NLRP2: variants seen among roughly 807,000 people sequenced by gnomAD.
The protein encoded by NLRP2 is NACHT, LRR and PYD domains-containing protein 2.
Under a neutral mutation model 97.2 loss-of-function variants are expected in NLRP2, and 107 were observed. The observed-to-expected ratio is 1.10, with a 90% confidence interval of 0.94 to 1.29. The LOEUF is 1.29. Ranked by LOEUF, NLRP2 falls within the 50% of genes most tolerant of loss-of-function variation. The pLI, the probability that NLRP2 is intolerant of heterozygous loss-of-function variation, is 0.00. For missense variants in NLRP2, 1,495 were observed against 1,330.3 expected (o/e 1.12, Z -1.93); for synonymous variants, 663 against 551.5 (o/e 1.20, Z -2.83).
intron 11 of NLRP2, 148 bp downstream of exon 11, chr19:54,994,587 G>A: frequency 1.2e-6 from 1 of 859,080 alleles, no homozygotes; most frequent in South Asian, 1.4e-5. Context: ...GATGGTTAAA[G>A]GAATAAGTTC....
rs2071076291 is a variant in NLRP2 at position 54,974,546 on chromosome 19, T to C, written c.325+2T>C. 1.3e-6 allele frequency: 2 copies of C among 1,584,174 alleles called. No homozygotes were observed. Among genetic ancestry groups the C allele is most frequent in the Admixed American group, 1.7e-5 (1 of 59,904 alleles). On this transcript the variant is annotated splice_donor_variant, in intron 3 of 12. Transcript: ENST00000448584. LOFTEE classifies it high-confidence loss of function. ...ATAAAAGGAAGCCTCTATCATTAGG[T>C]AAGTTACCTCATTTATAACTTTTAT...
In NLRP2 at chr19:54,983,320, G is replaced by T; in HGVS notation, c.1622G>T (p.Gly541Val). The change falls in exon 6 of 13, where the codon GGA becomes GTA. Residue 541 changes from glycine to valine, a missense_variant. Transcript: ENST00000448584. ...DIGDVQKLLS[G>V]VERLRNPDLI... Reference sequence around the variant, plus strand: ...GGGGACGTACAGAAGCTGCTTTCCGGAGTAGAAAGACTCAGGAACCCCGAC... The same window carrying T: ...GGGGACGTACAGAAGCTGCTTTCCGTAGTAGAAAGACTCAGGAACCCCGAC... The T allele has an allele frequency of 6.2e-7, 1 of 1,614,196 alleles. No homozygotes were observed. Among genetic ancestry groups the T allele is most frequent in the Middle Eastern group, 1.6e-4 (1 of 6,062 alleles).
At position 54,984,485 on chromosome 19, in the gene NLRP2, CTTT is replaced by C. The variant is rs36061621; in HGVS notation, c.2031-549_2031-547del. On this transcript the variant is annotated intron_variant, in intron 6 of 12. Coordinates refer to ENST00000448584, the MANE Select transcript of NLRP2 (RefSeq NM_017852.5). ...ATGTATAGATATGTATATTCCCAAT[CTTT>C]TTTTTTTTTTTTGAGACGGAGTTTC... 3.6e-3 allele frequency among the ~76,000 whole-genome samples: 277 copies of C among 76,924 alleles called. 22 individuals carry two copies. The highest frequency in any genetic ancestry group is 0.035 in the Admixed American group (239 of 6,780). 50.5% of individuals were successfully genotyped at this position (76,924 alleles called of 152,430 possible).
At position 54,984,329 on chromosome 19, in the gene NLRP2, G is replaced by GTGTGTTTTTTTTTTTTTTTTTTTT; in HGVS notation, c.2030+602_2030+603insGTGTTTTTTTTTTTTTTTTTTTTT. On this transcript the variant is annotated intron_variant, in intron 6 of 12. Coordinates refer to ENST00000448584, the MANE Select transcript of NLRP2 (RefSeq NM_017852.5). ...AACTTAAGTGGGGGTTTTTTTTTGTGTTTTTTTTTTTTTTTTTTTTTTTGG... is the reference window on the plus strand; with the variant it reads ...AACTTAAGTGGGGGTTTTTTTTTGTGTGTGTTTTTTTTTTTTTTTTTTTTTTTTTTTTTTTTTTTTTTTTTTTGG... Among the ~76,000 whole-genome samples, 223 of 79,664 alleles carry GTGTGTTTTTTTTTTTTTTTTTTTT rather than the reference G, an allele frequency of 2.8e-3. 22 individuals carry two copies. Among genetic ancestry groups the GTGTGTTTTTTTTTTTTTTTTTTTT allele is most frequent in the Non-Finnish European group, 4.7e-3 (189 of 39,960 alleles). The allele number at this position is 79,664 out of a possible 152,430, so 52.3% of individuals were successfully genotyped here.
At chr19:54,971,119 A>G (rs1044847454) in intron 2 of NLRP2, among the ~76,000 whole-genome samples, 3 of 149,928 alleles carry the variant, frequency 2.0e-5, no homozygotes, top group African/African-American at 7.4e-5. Flanking sequence ...ATGGTTTCCA[A>G]TTTCATCCAT....
At chr19:54,968,132 G>A (rs558754040) in intron 1 of NLRP2, among the ~76,000 whole-genome samples, 1 of 151,984 alleles carries the variant, frequency 6.6e-6, no homozygotes, top group Non-Finnish European at 1.5e-5. Context: ...TGGCCAGGCT[G>A]GTCTCAAGCT....
chr19:54,994,935 T>C (rs765402507), intron 11 of NLRP2, among the ~76,000 whole-genome samples: 46 of 151,492 alleles, frequency 3.0e-4, no homozygotes, highest in Admixed American at 2.0e-3. Flanking sequence ...GTCTGTGTCA[T>C]GCAAAGAACA....
chr19:54,992,920 T>G (rs1602422189), intron 10 of NLRP2, among the ~76,000 whole-genome samples: 1 of 152,132 alleles, frequency 6.6e-6, no homozygotes, highest in Middle Eastern at 3.4e-3. Context: ...CCCTTTAGTC[T>G]TATGTGGGTT....
At chr19:54,976,812 C>CTGTTTTTTTT (rs1555768188) in intron 3 of NLRP2, 2 of 280,770 alleles carry the variant, frequency 7.1e-6, no homozygotes, top group African/African-American at 3.3e-5. Context: ...TGTTCTCTCT[C>CTGTTTTTTTT]TTTTTTTTTT....
intron 10 of NLRP2, 26 bp downstream of exon 10, chr19:54,990,698 G>C (rs372553653): frequency 6.2e-7 from 1 of 1,613,890 alleles, no homozygotes; most frequent in Non-Finnish European, 8.5e-7. Context: ...CTGCCTGTGT[G>C]CGTGGGTGTA....
In NLRP2 at chr19:54,982,869, C is replaced by G. The variant is rs138317042; in HGVS notation, c.1171C>G (p.Leu391Val). ...AFELMRSNAA[L>V]FQLGSAPAVC... ...TGAGCTAATGAGGAGCAACGCGGCC[C>G]TGTTCCAGCTGGGCTCGGCCCCCGC... is the stretch of plus-strand genomic sequence containing the variant. The change falls in exon 6 of 13, where the codon CTG becomes GTG. Residue 391 changes from leucine to valine, a missense_variant. Physicochemically the swap from Leu to Val is conservative, Grantham distance 32. Coordinates refer to ENST00000448584, the MANE Select transcript of NLRP2 (RefSeq NM_017852.5). 1.2e-6 allele frequency: 2 copies of G among 1,613,112 alleles called. No homozygotes were observed. The highest frequency in any genetic ancestry group is 1.7e-6 in the Non-Finnish European group (2 of 1,179,986).
At chr19:54,997,634 T>G (rs1261357882) in intron 12 of NLRP2, 147 bp downstream of exon 12, 1 of 878,436 alleles carries the variant, frequency 1.1e-6, no homozygotes, top group Non-Finnish European at 1.8e-6. Context: ...TGTATTTCAC[T>G]TGGAGAAACG....
At chr19:54,968,230 A>G (rs1190453946) in intron 1 of NLRP2, among the ~76,000 whole-genome samples, 1 of 142,560 alleles carries the variant, frequency 7.0e-6, no homozygotes, top group African/African-American at 2.6e-5. Context: ...GTTGTTTTTA[A>G]AATAGAGACA....
Position 54,982,184 on chromosome 19 carries a change from T to C in NLRP2, c.486T>C (p.Tyr162=). The change falls in exon 6 of 13, where the codon TAT becomes TAC. Residue 162 remains tyrosine (Y), a synonymous_variant. Transcript: ENST00000448584. The part of the protein sequence containing the change: ...KKPDKDNRCR[Y]ILKTKFREMW... Reference sequence around the variant, plus strand: ...AAGACAAAGACAATAGGTGCAGGTATATATTGAAGACGAAGTTCCGGGAGA... The same window carrying C: ...AAGACAAAGACAATAGGTGCAGGTACATATTGAAGACGAAGTTCCGGGAGA... The C allele has an allele frequency of 6.2e-7, 1 of 1,614,138 alleles. No homozygotes were observed. Among genetic ancestry groups the C allele is most frequent in the Non-Finnish European group, 8.5e-7 (1 of 1,180,044 alleles).
chr19:54,989,513 G>T (rs2072317463), intron 8 of NLRP2: 1 of 210,758 alleles, frequency 4.7e-6, no homozygotes, highest in African/African-American at 2.3e-5. Context: ...AGCGGAGTCT[G>T]CATCCAACAT....
chr19:54,969,141 G>A (rs2070682042), intron 1 of NLRP2, among the ~76,000 whole-genome samples: 1 of 152,102 alleles, frequency 6.6e-6, no homozygotes, highest in African/African-American at 2.4e-5. Flanking sequence ...ATGAGAGAGT[G>A]TTTTCGCTTT....
intron 1 of NLRP2, among the ~76,000 whole-genome samples, chr19:54,969,352 C>T (rs560622151): frequency 3.2e-3 from 486 of 152,130 alleles, no homozygotes; most frequent in Non-Finnish European, 5.5e-3. Context: ...GTGGTGAATG[C>T]CTGTAATCCC....
chr19:54,992,551 G>GGT (rs2072550377), intron 10 of NLRP2, among the ~76,000 whole-genome samples: 20 of 23,968 alleles, frequency 8.3e-4, no homozygotes, highest in East Asian at 3.0e-3. Context: ...GGGGGGGGGG[G>GGT]TTTTCTTTTT....
At chr19:54,996,716 C>A (rs1189076133) in intron 11 of NLRP2, among the ~76,000 whole-genome samples, 1 of 150,284 alleles carries the variant, frequency 6.7e-6, no homozygotes, top group Non-Finnish European at 1.5e-5. Context: ...TCACATGTAT[C>A]TTCAGGGCCT....
Sources: allele counts gnomAD v4.1 joint callset (sites outside exome capture counted in the v4.1 genomes callset), GRCh38; gene constraint gnomAD v4.1.1; transcripts MANE v1.5; gene names NCBI Gene and HGNC (gene_info 2026-07-23, HGNC 2026-07-21).